Variants in CNTNAP2 observed in about 807,000 individuals in gnomAD.
The protein encoded by CNTNAP2 is contactin-associated protein-like 2.
In CNTNAP2, 98 loss-of-function variants were observed where a neutral mutation model predicts 155.2. That is an observed-to-expected ratio of 0.63 (90% CI 0.54 to 0.75). The LOEUF (loss-of-function observed/expected upper bound fraction) is 0.75, where lower values mean the gene tolerates loss of function less well. Among genes scored for constraint, CNTNAP2 ranks in the 30% least tolerant of loss-of-function variants. The pLI, the probability that CNTNAP2 is intolerant of heterozygous loss-of-function variation, is 0.00. For synonymous variants in CNTNAP2, 651 were observed against 631.2 expected (o/e 1.03, Z -0.47); for missense variants, 1,727 against 1,688.1 (o/e 1.02, Z -0.40).
intron 1 of CNTNAP2, among the ~76,000 whole-genome samples, chr7:146,578,625 C>A (rs1373950530): frequency 1.3e-5 from 2 of 152,042 alleles, no homozygotes; most frequent in Admixed American, 1.3e-4. Context: ...TTGGCATTTT[C>A]TATGTGCTGT....
At chr7:146,450,935 A>ATTTATT (rs1796469928) in intron 1 of CNTNAP2, among the ~76,000 whole-genome samples, 1 of 148,744 alleles carries the variant, frequency 6.7e-6, no homozygotes, top group African/African-American at 2.5e-5. Flanking sequence ...CATAGTAAAA[A>ATTTATT]TATTTATTTA....
At chr7:146,760,774 C>T (rs968046594) in intron 1 of CNTNAP2, among the ~76,000 whole-genome samples, 1 of 151,774 alleles carries the variant, frequency 6.6e-6, no homozygotes, top group Admixed American at 6.6e-5. Context: ...CTAGAACATT[C>T]GTCCAATAAT....
chr7:147,361,503 A>C (rs1417635718), intron 9 of CNTNAP2, among the ~76,000 whole-genome samples: 1 of 152,226 alleles, frequency 6.6e-6, no homozygotes, highest in African/African-American at 2.4e-5. Context: ...GACAAGAGTT[A>C]TGCCTTATCT....
intron 13 of CNTNAP2, among the ~76,000 whole-genome samples, chr7:147,742,367 C>T (rs1796969854): frequency 6.6e-6 from 1 of 152,164 alleles, no homozygotes; most frequent in African/African-American, 2.4e-5. Flanking sequence ...TTATAATAGC[C>T]AAGTACATTT....
At position 146,982,754 on chromosome 7, in the gene CNTNAP2, A is replaced by G. The variant is rs150483156; in HGVS notation, c.403-61153A>G. Among the ~76,000 whole-genome samples, 388 of 152,296 alleles carry G rather than the reference A, an allele frequency of 2.5e-3. 2 individuals are homozygous for G. Among genetic ancestry groups the G allele is most frequent in the African/African-American group, 8.9e-3 (370 of 41,570 alleles). Reference sequence around the variant, plus strand: ...TTTCCAGTATCACAGATGACAGAGTAAAATGCAAAATGTGTTGCTGCACAT... The same window carrying G: ...TTTCCAGTATCACAGATGACAGAGTGAAATGCAAAATGTGTTGCTGCACAT... On this transcript the variant is annotated intron_variant, in intron 3 of 23. Coordinates refer to ENST00000361727, the MANE Select transcript of CNTNAP2 (RefSeq NM_014141.6).
chr7:146,990,552 AT>A (rs34213250), intron 3 of CNTNAP2, among the ~76,000 whole-genome samples: 4 of 151,350 alleles, frequency 2.6e-5, no homozygotes, highest in Non-Finnish European at 4.4e-5. Context: ...TCTGTGGCTG[AT>A]TTTTTTTTCT....
chr7:147,023,124 T>C (rs1798844260), intron 3 of CNTNAP2, among the ~76,000 whole-genome samples: 1 of 152,144 alleles, frequency 6.6e-6, no homozygotes, highest in Admixed American at 6.5e-5. Context: ...AACCTTATCG[T>C]GTTGTTCAAA....
chr7:147,557,446 T>C (rs915720129), intron 11 of CNTNAP2, among the ~76,000 whole-genome samples: 1 of 151,848 alleles, frequency 6.6e-6, no homozygotes, highest in Non-Finnish European at 1.5e-5. Context: ...AATAAATCAA[T>C]AGACTTGATG....
intron 9 of CNTNAP2, among the ~76,000 whole-genome samples, chr7:147,324,039 G>GA (rs149474351): frequency 0.49 from 72,996 of 148,090 alleles, 18,861 homozygotes; most frequent in East Asian, 0.73. Context: ...GAACTATTAG[G>GA]AAAAAAAAAA....
intron 4 of CNTNAP2, among the ~76,000 whole-genome samples, chr7:147,100,118 GTGTT>G (rs1800624945): frequency 6.6e-6 from 1 of 152,112 alleles, no homozygotes; most frequent in Non-Finnish European, 1.5e-5. Flanking sequence ...GTGTGTGCAT[GTGTT>G]TGTGTGTATG....
chr7:146,988,549 C>G (rs776192575), intron 3 of CNTNAP2, among the ~76,000 whole-genome samples: 2 of 152,072 alleles, frequency 1.3e-5, no homozygotes, highest in Non-Finnish European at 2.9e-5. Context: ...ATTGTCCCCA[C>G]GAAAATGACT....
intron 13 of CNTNAP2, among the ~76,000 whole-genome samples, chr7:147,746,580 A>G (rs1179383517): frequency 6.6e-6 from 1 of 151,920 alleles, no homozygotes; most frequent in Non-Finnish European, 1.5e-5. Flanking sequence ...TACCACCTAC[A>G]AGGTTTTCCT....
At chr7:148,413,253 G>A (rs1369409751) in intron 23 of CNTNAP2, among the ~76,000 whole-genome samples, 2 of 150,658 alleles carry the variant, frequency 1.3e-5, no homozygotes, top group African/African-American at 2.4e-5. Context: ...TCAGCTGGGC[G>A]TACTGGTGGG....
chr7:147,109,818 G>T (rs942086268), intron 5 of CNTNAP2, among the ~76,000 whole-genome samples: 15 of 152,124 alleles, frequency 9.9e-5, no homozygotes, highest in African/African-American at 3.6e-4. Flanking sequence ...TAGAAAGAAA[G>T]AACATAGAGA....
chr7:146,650,515 G>A (rs1799892083), intron 1 of CNTNAP2, among the ~76,000 whole-genome samples: 1 of 151,978 alleles, frequency 6.6e-6, no homozygotes, highest in South Asian at 2.1e-4. Context: ...GACACAGGGA[G>A]GGGGACATCA....
At chr7:147,468,566 C>T (rs1798159272) in intron 10 of CNTNAP2, among the ~76,000 whole-genome samples, 1 of 151,956 alleles carries the variant, frequency 6.6e-6, no homozygotes, top group African/African-American at 2.4e-5. Context: ...TATGTAAATC[C>T]TTTAGTCAGA....
At chr7:148,135,841 G>A (rs1585144832) in intron 16 of CNTNAP2, among the ~76,000 whole-genome samples, 2 of 86,268 alleles carry the variant, frequency 2.3e-5, no homozygotes, top group Admixed American at 1.9e-4. Flanking sequence ...TGAGTGAGAA[G>A]AAGAGAAGAG....
At chr7:147,548,223 C>A (rs1799781347) in intron 11 of CNTNAP2, among the ~76,000 whole-genome samples, 1 of 152,202 alleles carries the variant, frequency 6.6e-6, no homozygotes, top group Admixed American at 6.5e-5. Flanking sequence ...TTCCTACCAA[C>A]AGTGTGAAAG....
intron 1 of CNTNAP2, among the ~76,000 whole-genome samples, chr7:146,701,191 T>C (rs750822542): frequency 6.6e-6 from 1 of 152,220 alleles, no homozygotes; most frequent in Non-Finnish European, 1.5e-5. Context: ...ACAAGGCCGA[T>C]GTTCTGCTGG....
Sources: allele counts gnomAD v4.1 joint callset (sites outside exome capture counted in the v4.1 genomes callset), GRCh38; gene constraint gnomAD v4.1.1; transcripts MANE v1.5; gene names NCBI Gene and HGNC (gene_info 2026-07-23, HGNC 2026-07-21).